The following PRKCA variants were observed in gnomAD, a reference collection of about 807,000 sequenced individuals.
PRKCA encodes protein kinase C alpha type.
Under a neutral mutation model 87.0 loss-of-function variants are expected in PRKCA, and 27 were observed. That is an observed-to-expected ratio of 0.31 (90% CI 0.23 to 0.43). The LOEUF (loss-of-function observed/expected upper bound fraction) is 0.43, where lower values mean the gene tolerates loss of function less well. PRKCA is among the 20% of genes least tolerant of loss of function. The pLI, the probability that PRKCA is intolerant of heterozygous loss-of-function variation, is 1.00. For missense variants in PRKCA, 518 were observed against 852.3 expected (o/e 0.61, Z 4.88); for synonymous variants, 329 against 311.1 (o/e 1.06, Z -0.61).
intron 2 of PRKCA, among the ~76,000 whole-genome samples, chr17:66,431,432 G>A (rs1465622406): frequency 6.6e-6 from 1 of 152,132 alleles, no homozygotes; most frequent in African/African-American, 2.4e-5. Flanking sequence ...GAACAAGCAC[G>A]TTTCTTCAGG....
At chr17:66,771,038 C>G (rs1974922693) in intron 13 of PRKCA, among the ~76,000 whole-genome samples, 2 of 148,296 alleles carry the variant, frequency 1.3e-5, no homozygotes, top group African/African-American at 2.5e-5. Flanking sequence ...GCATCTCACT[C>G]TGTCGCCCAG....
At chr17:66,647,523 G>A (rs576164881) in intron 5 of PRKCA, among the ~76,000 whole-genome samples, 9 of 152,290 alleles carry the variant, frequency 5.9e-5, no homozygotes, top group South Asian at 2.1e-4. Context: ...GCCCCGTGCC[G>A]TCTTCTGTAA....
At chr17:66,505,223 A>T (rs1390461120) in intron 3 of PRKCA, among the ~76,000 whole-genome samples, 1 of 152,198 alleles carries the variant, frequency 6.6e-6, no homozygotes, top group Non-Finnish European at 1.5e-5. Flanking sequence ...GGAGTTAAAA[A>T]TAGCCTCCGA....
At chr17:66,481,784 T>G (rs1378016757) in intron 2 of PRKCA, among the ~76,000 whole-genome samples, 1 of 152,078 alleles carries the variant, frequency 6.6e-6, no homozygotes, top group African/African-American at 2.4e-5. Context: ...GAGTGACCAA[T>G]GGACAAACAT....
At chr17:66,658,048 C>T (rs1018140832) in intron 5 of PRKCA, among the ~76,000 whole-genome samples, 2 of 152,170 alleles carry the variant, frequency 1.3e-5, no homozygotes, top group Admixed American at 1.3e-4. Flanking sequence ...TTAATTGACT[C>T]ACAGTTCTGC....
At chr17:66,787,284 GTT>G in intron 15 of PRKCA, 1 of 461,372 alleles carries the variant, frequency 2.2e-6, no homozygotes, top group South Asian at 1.8e-5. Flanking sequence ...GCTATGCAGT[GTT>G]CCACTGTGTG....
chr17:66,522,772 G>T (rs949279402), intron 3 of PRKCA, among the ~76,000 whole-genome samples: 6 of 150,732 alleles, frequency 4.0e-5, no homozygotes, highest in Non-Finnish European at 8.8e-5. Flanking sequence ...AGCTGGGTCT[G>T]TCATTGGCTG....
intron 5 of PRKCA, among the ~76,000 whole-genome samples, chr17:66,666,339 T>C (rs1972042119): frequency 1.3e-5 from 2 of 152,192 alleles, no homozygotes; most frequent in South Asian, 2.1e-4. Context: ...GCTGTGCTGC[T>C]GGGGCCAGAA....
chr17:66,382,863 AAG>A (rs1909841013), intron 2 of PRKCA, among the ~76,000 whole-genome samples: 1 of 151,378 alleles, frequency 6.6e-6, no homozygotes, highest in Non-Finnish European at 1.5e-5. Context: ...ACCAACAAGA[AAG>A]AGTGATCCAG....
At chr17:66,612,877 A>T (rs1258900166) in intron 3 of PRKCA, among the ~76,000 whole-genome samples, 1 of 152,128 alleles carries the variant, frequency 6.6e-6, no homozygotes, top group African/African-American at 2.4e-5. Context: ...TTAAATTATC[A>T]TAATTGGGTT....
chr17:66,509,178 ATGTGTG>A (rs35472661), intron 3 of PRKCA, among the ~76,000 whole-genome samples: 22,940 of 147,062 alleles, frequency 0.16, 1,859 homozygotes, highest in East Asian at 0.28. Context: ...GTGTGTGTGT[ATGTGTG>A]TGTGTGTGTG....
intron 3 of PRKCA, among the ~76,000 whole-genome samples, chr17:66,498,484 C>T (rs1013941806): frequency 3.3e-5 from 5 of 152,136 alleles, no homozygotes; most frequent in Non-Finnish European, 5.9e-5. Flanking sequence ...TTTTTCTTCC[C>T]CCTCCTACTT....
chr17:66,578,204 G>T (rs558785636), intron 3 of PRKCA, among the ~76,000 whole-genome samples: 1 of 149,272 alleles, frequency 6.7e-6, no homozygotes, highest in South Asian at 2.2e-4. Flanking sequence ...CATCTCGTCT[G>T]TCCCAGGGTC....
intron 13 of PRKCA, among the ~76,000 whole-genome samples, chr17:66,766,052 T>A (rs1974806030): frequency 6.6e-6 from 1 of 152,200 alleles, no homozygotes; most frequent in Non-Finnish European, 1.5e-5. Flanking sequence ...TTGAAGGCAC[T>A]GCAGTGTTCA....
At chr17:66,558,687 A>G (rs1419703474) in intron 3 of PRKCA, among the ~76,000 whole-genome samples, 2 of 151,988 alleles carry the variant, frequency 1.3e-5, no homozygotes, top group Non-Finnish European at 2.9e-5. Flanking sequence ...GTGGAGAGTA[A>G]GGGGGGGAGG....
intron 3 of PRKCA, among the ~76,000 whole-genome samples, chr17:66,595,479 T>TTTTTTTTTTA (rs1969946464): frequency 2.9e-5 from 4 of 139,040 alleles, no homozygotes; most frequent in African/African-American, 5.6e-5. Context: ...TTTTTTTTTT[T>TTTTTTTTTTA]GAGACAGTCT....
intron 2 of PRKCA, among the ~76,000 whole-genome samples, chr17:66,373,669 A>G (rs1442502545): frequency 6.6e-6 from 1 of 152,202 alleles, no homozygotes; most frequent in East Asian, 1.9e-4. Context: ...TAATTTTGGT[A>G]TTGCTTTTGC....
chr17:66,548,304 C>G (rs1165603387), intron 3 of PRKCA, among the ~76,000 whole-genome samples: 2 of 152,140 alleles, frequency 1.3e-5, no homozygotes, highest in Non-Finnish European at 2.9e-5. Flanking sequence ...TGAGGGCGCC[C>G]CTCCTTGACA....
At chr17:66,551,252 A>G (rs555719976) in intron 3 of PRKCA, among the ~76,000 whole-genome samples, 2 of 152,242 alleles carry the variant, frequency 1.3e-5, no homozygotes, top group Admixed American at 6.5e-5. Flanking sequence ...TTCCGTAGAG[A>G]CAGGGTTTTG....
Sources: gnomAD v4.1 joint callset for allele counts (sites outside exome capture counted in the v4.1 genomes callset) on GRCh38, gnomAD v4.1.1 for gene constraint, MANE v1.5 for transcripts, NCBI Gene and HGNC (gene_info 2026-07-23, HGNC 2026-07-21) for gene names.